The following HERC1 variants were observed in gnomAD, a reference collection of about 807,000 sequenced individuals.
HERC1 encodes HECT and RLD domain containing E3 ubiquitin protein ligase family member 1, also known as probable E3 ubiquitin-protein ligase HERC1.
A neutral mutation model predicts 554.3 loss-of-function variants in HERC1; 160 were observed. The observed-to-expected ratio is 0.29, with a 90% CI of 0.25 to 0.33. HERC1 has a LOEUF of 0.33. Among genes scored for constraint, HERC1 ranks in the 10% least tolerant of loss-of-function variants. The pLI is 1.00. For synonymous variants in HERC1, 2,175 were observed against 2,131.7 expected, an observed-to-expected ratio of 1.02 and a Z score of -0.56; for missense variants, 4,919 against 5,918.5, an observed-to-expected ratio of 0.83 and a Z score of 5.54.
chr15:63,789,749 G>A (rs922710271), intron 1 of HERC1, among the ~76,000 whole-genome samples: 1 of 151,562 alleles, frequency 6.6e-6, no homozygotes, highest in Non-Finnish European at 1.5e-5. Flanking sequence ...AGTGAGCCGA[G>A]ATGATGCCAC....
chr15:63,784,433 C>T (rs2076377660), intron 1 of HERC1, among the ~76,000 whole-genome samples: 1 of 151,938 alleles, frequency 6.6e-6, no homozygotes, highest in African/African-American at 2.4e-5. Context: ...AGTAACATAA[C>T]TATATTAAAA....
chr15:63,615,253 T>G (rs60618359), intron 76 of HERC1, among the ~76,000 whole-genome samples: 23,950 of 152,102 alleles, frequency 0.16, 2,223 homozygotes, highest in Middle Eastern at 0.21. Flanking sequence ...TCAGAACCGA[T>G]TTAAGGCACT....
chr15:63,620,109 C>A (rs927551155), intron 74 of HERC1, among the ~76,000 whole-genome samples: 4 of 152,118 alleles, frequency 2.6e-5, no homozygotes, highest in Admixed American at 6.5e-5. Context: ...TCGATCTTTC[C>A]TGCTTTCTCT....
intron 12 of HERC1, among the ~76,000 whole-genome samples, chr15:63,739,449 G>A (rs1326391877): frequency 1.3e-5 from 2 of 151,356 alleles, no homozygotes; most frequent in African/African-American, 4.8e-5. Flanking sequence ...TACCCTCCTC[G>A]GCATCCCAAA....
At chr15:63,672,942 GT>G (rs2071011849) in intron 38 of HERC1, among the ~76,000 whole-genome samples, 1 of 152,006 alleles carries the variant, frequency 6.6e-6, no homozygotes, top group Non-Finnish European at 1.5e-5. Flanking sequence ...ACACATTTCT[GT>G]TTTTAGAGAA....
rs72750990 is a variant in HERC1 at position 63,713,134 on chromosome 15, C to T, written c.4463+219G>A. The stretch of plus-strand genomic sequence containing the variant: ...TTTTCACTGCTGTTGTTTATATATA[C>T]GAAAAATTGTGCCTCCTCATTTAAT... On this transcript the variant is annotated intron_variant, in intron 23 of 77. Coordinates refer to ENST00000443617, the MANE Select transcript of HERC1 (RefSeq NM_003922.4). 0.18 allele frequency among the ~76,000 whole-genome samples: 27,811 copies of T among 152,234 alleles called. 2,796 individuals are homozygous for T. Among genetic ancestry groups the T allele is most frequent in the Non-Finnish European group, 0.22 (14,848 of 68,006 alleles).
intron 10 of HERC1, among the ~76,000 whole-genome samples, chr15:63,748,670 TTG>T (rs1284068366): frequency 1.3e-5 from 2 of 152,182 alleles, no homozygotes; most frequent in African/African-American, 4.8e-5. Flanking sequence ...ATTTTGGCTT[TTG>T]TGTTAGAGGA....
At chr15:63,625,214 A>T (rs1429076376) in intron 71 of HERC1, among the ~76,000 whole-genome samples, 2 of 152,170 alleles carry the variant, frequency 1.3e-5, no homozygotes, top group Non-Finnish European at 2.9e-5. Flanking sequence ...AATTTACTTT[A>T]TTTCCCCGAC....
At chr15:63,630,839 C>A in intron 68 of HERC1, 1 of 487,496 alleles carries the variant, frequency 2.1e-6, no homozygotes, top group Non-Finnish European at 3.5e-6. Context: ...TGCAAAACAT[C>A]ACAGGCTCTT....
At chr15:63,829,442 G>A (rs1567171316) in intron 1 of HERC1, among the ~76,000 whole-genome samples, 1 of 90,614 alleles carries the variant, frequency 1.1e-5, no homozygotes, top group East Asian at 2.0e-4. Context: ...AGAAACGTCA[G>A]TATGTGTGTG....
chr15:63,678,844 A>T (rs1396411271), intron 36 of HERC1, among the ~76,000 whole-genome samples: 1 of 152,220 alleles, frequency 6.6e-6, no homozygotes, highest in African/African-American at 2.4e-5. Context: ...TTGGGTTCAA[A>T]TCATAACTCT....
At chr15:63,644,493 T>G (rs1230474733) in intron 57 of HERC1, among the ~76,000 whole-genome samples, 2 of 151,828 alleles carry the variant, frequency 1.3e-5, no homozygotes, top group Non-Finnish European at 2.9e-5. Flanking sequence ...GCATGTAAGC[T>G]TCTTTGTTTT....
intron 3 of HERC1, among the ~76,000 whole-genome samples, chr15:63,762,416 C>G (rs1056595763): frequency 1.3e-5 from 2 of 152,098 alleles, no homozygotes; most frequent in African/African-American, 4.8e-5. Flanking sequence ...CTCCACCTCC[C>G]GGGTTCAAGC....
At chr15:63,696,944 A>G (rs2153060540) in intron 26 of HERC1, among the ~76,000 whole-genome samples, 1 of 152,070 alleles carries the variant, frequency 6.6e-6, no homozygotes, top group Admixed American at 6.5e-5. Context: ...AAAAAAAAAA[A>G]AAAAAAATTA....
At chr15:63,636,644 T>A (rs62012833) in intron 64 of HERC1, among the ~76,000 whole-genome samples, 24,400 of 152,160 alleles carry the variant, frequency 0.16, 2,303 homozygotes, top group Middle Eastern at 0.21. Context: ...AAAATAATGG[T>A]GATGACAAGG....
intron 1 of HERC1, among the ~76,000 whole-genome samples, chr15:63,791,544 C>T (rs1001436328): frequency 2.6e-5 from 4 of 152,058 alleles, no homozygotes; most frequent in Non-Finnish European, 5.9e-5. Flanking sequence ...GTAACATTTC[C>T]AATAAAACTT....
intron 31 of HERC1, among the ~76,000 whole-genome samples, chr15:63,691,620 T>C (rs2072116118): frequency 6.6e-6 from 1 of 152,050 alleles, no homozygotes. Flanking sequence ...TGAAACTTAA[T>C]ATAAGCCTTA....
chr15:63,825,078 G>A (rs114228821), intron 1 of HERC1, among the ~76,000 whole-genome samples: 4,701 of 152,220 alleles, frequency 0.031, 234 homozygotes, highest in African/African-American at 0.11. Context: ...GGAGGCCGAG[G>A]CAGGGAGATC....
intron 1 of HERC1, among the ~76,000 whole-genome samples, chr15:63,817,826 T>C (rs2077546193): frequency 6.6e-6 from 1 of 152,106 alleles, no homozygotes; most frequent in Admixed American, 6.6e-5. Flanking sequence ...CAATATTGGG[T>C]ACATGGGAGC....
Sources: allele counts gnomAD v4.1 joint callset (sites outside exome capture counted in the v4.1 genomes callset), GRCh38; gene constraint gnomAD v4.1.1; transcripts MANE v1.5; gene names NCBI Gene and HGNC (gene_info 2026-07-23, HGNC 2026-07-21).